The following SGCE variants were observed in gnomAD, a reference collection of about 807,000 sequenced individuals.
The protein encoded by SGCE is epsilon-sarcoglycan.
A neutral mutation model predicts 57.8 loss-of-function variants in SGCE; 26 were observed. That is an observed-to-expected ratio of 0.45 (90% confidence interval 0.33 to 0.62). SGCE has a LOEUF of 0.62. SGCE is among the 20% of genes least tolerant of loss of function. The probability of loss-of-function intolerance (pLI) is 0.02; values close to 1 mark genes in which losing one functional copy is unlikely to be tolerated. For missense variants in SGCE, 468 were observed against 548.6 expected (o/e 0.85, Z 1.47); for synonymous variants, 183 against 189.5 (o/e 0.97, Z 0.28).
chr7:94,609,803 G>C (rs1009460224), intron 5 of SGCE, among the ~76,000 whole-genome samples: 1 of 152,138 alleles, frequency 6.6e-6, no homozygotes, highest in Admixed American at 6.6e-5. Flanking sequence ...CAGCTTGGCA[G>C]TTTCTTACAA....
chr7:94,623,876 A>C (rs1011499802), intron 3 of SGCE: 1 of 357,362 alleles, frequency 2.8e-6, no homozygotes, highest in Non-Finnish European at 5.0e-6. Flanking sequence ...AAATGTCATA[A>C]ATAACCCTTT....
chr7:94,596,104 T>TG (rs1186273366), intron 9 of SGCE, among the ~76,000 whole-genome samples: 1 of 152,112 alleles, frequency 6.6e-6, no homozygotes, highest in Non-Finnish European at 1.5e-5. Flanking sequence ...TTTAAATTGT[T>TG]GCAAGTTCAA....
intron 1 of SGCE, among the ~76,000 whole-genome samples, chr7:94,638,896 T>C (rs1805984354): frequency 6.6e-6 from 1 of 152,196 alleles, no homozygotes. Flanking sequence ...CATATCAATT[T>C]GGTTTTGCAA....
At chr7:94,654,211 C>T (rs927351938) in intron 1 of SGCE, among the ~76,000 whole-genome samples, 8 of 151,936 alleles carry the variant, frequency 5.3e-5, no homozygotes, top group Non-Finnish European at 1.2e-4. Context: ...ATACTAATTA[C>T]GTTTTTTAAA....
intron 6 of SGCE, among the ~76,000 whole-genome samples, chr7:94,602,764 T>A (rs1318562055): frequency 6.6e-6 from 1 of 152,146 alleles, no homozygotes; most frequent in African/African-American, 2.4e-5. Flanking sequence ...AAAATGTGAT[T>A]TGGAAAGAAA....
chr7:94,591,628 C>CA (rs1584488485), intron 9 of SGCE, among the ~76,000 whole-genome samples: 1 of 152,102 alleles, frequency 6.6e-6, no homozygotes, highest in African/African-American at 2.4e-5. Context: ...GGATGCCCCC[C>CA]ACTTCTCTTG....
At chr7:94,654,059 C>T (rs989070651) in intron 1 of SGCE, among the ~76,000 whole-genome samples, 3 of 151,996 alleles carry the variant, frequency 2.0e-5, no homozygotes, top group Non-Finnish European at 4.4e-5. Context: ...GCATAGAGAA[C>T]GTCTGAAAAA....
At chr7:94,619,188 C>A in intron 4 of SGCE, 1 of 447,518 alleles carries the variant, frequency 2.2e-6, no homozygotes, top group Non-Finnish European at 4.0e-6. Context: ...TCATCAGAGG[C>A]TCATCAGGGC....
chr7:94,601,443 C>CAAAAAAA (rs71123905), intron 6 of SGCE, among the ~76,000 whole-genome samples: 1,499 of 89,142 alleles, frequency 0.017, 200 homozygotes, highest in East Asian at 0.02. Flanking sequence ...ATCCCAGTAT[C>CAAAAAAA]AAAAAAAAAA....
chr7:94,604,322 A>C (rs188019333), intron 5 of SGCE, among the ~76,000 whole-genome samples: 1 of 152,196 alleles, frequency 6.6e-6, no homozygotes, highest in East Asian at 1.9e-4. Context: ...AAAATGAAGT[A>C]AAACCATCAA....
chr7:94,633,418 T>A (rs563789442), intron 1 of SGCE, among the ~76,000 whole-genome samples: 1 of 152,134 alleles, frequency 6.6e-6, no homozygotes, highest in Non-Finnish European at 1.5e-5. Context: ...CAAAGGGTTA[T>A]GTAAGCAAGT....
intron 4 of SGCE, 116 bp downstream of exon 4, chr7:94,623,209 A>T (rs1339592678): frequency 3.3e-6 from 2 of 606,546 alleles, no homozygotes; most frequent in Non-Finnish European, 5.8e-6. Context: ...TTATTATTTC[A>T]TCAGTTATAT....
intron 1 of SGCE, among the ~76,000 whole-genome samples, chr7:94,655,627 A>G (rs1287156889): frequency 6.6e-6 from 1 of 152,078 alleles, no homozygotes; most frequent in Admixed American, 6.5e-5. Flanking sequence ...GGCCCCCCAG[A>G]AAAACAGGCA....
chr7:94,588,508 G>C, intron 10 of SGCE, 181 bp downstream of exon 10: 1 of 1,428,308 alleles, frequency 7.0e-7, no homozygotes. Flanking sequence ...TTATCATTCT[G>C]ATGCCAATCT....
chr7:94,652,563 T>C (rs1455132005), intron 1 of SGCE, among the ~76,000 whole-genome samples: 4 of 152,246 alleles, frequency 2.6e-5, no homozygotes, highest in Non-Finnish European at 5.9e-5. Flanking sequence ...CTTTATTTCC[T>C]TGAGGTTGTC....
chr7:94,587,260 T>C, intron 10 of SGCE: 1 of 985,886 alleles, frequency 1.0e-6, no homozygotes. Flanking sequence ...TCTATGTGAC[T>C]ACTAAACAAA....
chr7:94,623,271 CATA>C, intron 4 of SGCE, 51 bp downstream of exon 4: 1 of 1,107,152 alleles, frequency 9.0e-7, no homozygotes, highest in Non-Finnish European at 1.3e-6. Context: ...AGTTATAAAA[CATA>C]ATGAAATACT....
intron 1 of SGCE, among the ~76,000 whole-genome samples, chr7:94,641,170 C>A (rs997978744): frequency 1.3e-5 from 2 of 152,088 alleles, no homozygotes; most frequent in Non-Finnish European, 2.9e-5. Flanking sequence ...TGATCAACAT[C>A]CTCACTTACT....
intron 10 of SGCE, 28 bp downstream of exon 10, chr7:94,588,661 A>G (rs1179034632): frequency 6.3e-7 from 1 of 1,574,832 alleles, no homozygotes; most frequent in Non-Finnish European, 8.7e-7. Context: ...TCATTCATAA[A>G]CATTAATTTA....
Sources: allele counts gnomAD v4.1 joint callset (sites outside exome capture counted in the v4.1 genomes callset), GRCh38; gene constraint gnomAD v4.1.1; transcripts MANE v1.5; gene names NCBI Gene and HGNC (gene_info 2026-07-23, HGNC 2026-07-21).